The following AGBL4 variants were observed in gnomAD, a reference collection of about 807,000 sequenced individuals.
AGBL4 encodes cytosolic carboxypeptidase 6.
AGBL4 carries 58 observed loss-of-function variants against 66.4 expected under a neutral mutation model. That is an observed-to-expected ratio of 0.87 (90% CI 0.71 to 1.09). The LOEUF (loss-of-function observed/expected upper bound fraction) is 1.09, where lower values mean the gene tolerates loss of function less well. AGBL4 is among the 50% of genes least tolerant of loss of function. The pLI, the probability that AGBL4 is intolerant of heterozygous loss-of-function variation, is 0.00. For missense variants in AGBL4, 579 were observed against 631.0 expected, an observed-to-expected ratio of 0.92 and a Z score of 0.88; for synonymous variants, 234 against 222.9, an observed-to-expected ratio of 1.05 and a Z score of -0.44.
chr1:49,203,357 T>A (rs1647874142), intron 4 of AGBL4, among the ~76,000 whole-genome samples: 1 of 152,112 alleles, frequency 6.6e-6, no homozygotes, highest in African/African-American at 2.4e-5. Context: ...AAGAGCCAAG[T>A]TGTAGAAGCC....
At chr1:49,285,724 C>G (rs1644389616) in intron 3 of AGBL4, among the ~76,000 whole-genome samples, 2 of 152,178 alleles carry the variant, frequency 1.3e-5, no homozygotes, top group East Asian at 3.9e-4. Flanking sequence ...AGACTACCAT[C>G]AGAGAATACT....
intron 1 of AGBL4, among the ~76,000 whole-genome samples, chr1:49,889,939 C>T (rs1250756103): frequency 6.6e-6 from 1 of 152,120 alleles, no homozygotes; most frequent in Non-Finnish European, 1.5e-5. Context: ...TGTAGAAGCT[C>T]TCTCAGATTA....
intron 4 of AGBL4, among the ~76,000 whole-genome samples, chr1:49,081,171 C>T (rs955403557): frequency 1.3e-5 from 2 of 152,000 alleles, no homozygotes; most frequent in Non-Finnish European, 2.9e-5. Context: ...ATTTGAACAA[C>T]AAAAAAGGAT....
At position 49,280,919 on chromosome 1, in the gene AGBL4, G is replaced by A. The variant is rs566670552; in HGVS notation, c.283-35055C>T. 1.8e-4 allele frequency among the ~76,000 whole-genome samples: 27 copies of A among 152,092 alleles called. 1 individual carries two copies. The South Asian group carries it at 5.2e-3, about 29-fold the overall frequency. On this transcript the variant is annotated intron_variant, in intron 3 of 13. Coordinates refer to ENST00000371839, the MANE Select transcript of AGBL4 (RefSeq NM_032785.4). ...AATGTCAGATAGCAATAATTACAAC[G>A]AAGAAAAAGAAAACAGTAAAGGGTA... is the stretch of plus-strand genomic sequence containing the variant.
chr1:49,434,191 G>A (rs1052629748), intron 3 of AGBL4, among the ~76,000 whole-genome samples: 1 of 152,008 alleles, frequency 6.6e-6, no homozygotes, highest in African/African-American at 2.4e-5. Context: ...TTAATGGGGA[G>A]AGGTAGTAGA....
chr1:49,734,636 A>C (rs1649719313), intron 2 of AGBL4, among the ~76,000 whole-genome samples: 1 of 152,128 alleles, frequency 6.6e-6, no homozygotes, highest in Admixed American at 6.6e-5. Flanking sequence ...TGGAGAAATT[A>C]AGATCCAAAT....
intron 3 of AGBL4, among the ~76,000 whole-genome samples, chr1:49,646,362 A>G (rs1278436374): frequency 3.3e-5 from 5 of 152,012 alleles, no homozygotes; most frequent in Admixed American, 6.6e-5. Flanking sequence ...CAAGATCAAT[A>G]TGCAGAACTC....
At chr1:49,339,332 C>T (rs568330590) in intron 3 of AGBL4, among the ~76,000 whole-genome samples, 1 of 152,158 alleles carries the variant, frequency 6.6e-6, no homozygotes, top group Non-Finnish European at 1.5e-5. Flanking sequence ...AGTTACTTTA[C>T]GTTATTCCAA....
chr1:49,975,786 C>T lies in AGBL4; in HGVS notation c.34+47977G>A, dbSNP rs746172328. 1.8e-4 allele frequency among the ~76,000 whole-genome samples: 28 copies of T among 152,188 alleles called. 1 individual carries two copies. The highest frequency in any genetic ancestry group is 1.3e-4 in the Admixed American group (2 of 15,278). On this transcript the variant is annotated intron_variant, in intron 1 of 13. Transcript: ENST00000371839. ...GATTAACAATATTTTGTCTATAATG[C>T]CTAGCACGGTTTCTGCACATTTGGT...
chr1:49,287,594 C>G (rs1249143259), intron 3 of AGBL4, among the ~76,000 whole-genome samples: 6 of 152,166 alleles, frequency 3.9e-5, no homozygotes, highest in Admixed American at 3.9e-4. Flanking sequence ...ATTTATGCAG[C>G]CAAAAAACAC....
chr1:49,132,013 G>A (rs550542631), intron 4 of AGBL4, among the ~76,000 whole-genome samples: 10 of 152,226 alleles, frequency 6.6e-5, no homozygotes, highest in Middle Eastern at 3.4e-3. Context: ...TGGAGTAGAT[G>A]CATTTCCCAG....
intron 3 of AGBL4, among the ~76,000 whole-genome samples, chr1:49,355,760 C>T (rs1451176758): frequency 6.6e-6 from 1 of 152,174 alleles, no homozygotes; most frequent in Non-Finnish European, 1.5e-5. Flanking sequence ...TTTGTAGTTG[C>T]TATTCCCTTC....
intron 3 of AGBL4, among the ~76,000 whole-genome samples, chr1:49,526,719 G>A (rs926598515): frequency 2.0e-5 from 3 of 152,072 alleles, no homozygotes; most frequent in African/African-American, 7.2e-5. Flanking sequence ...CAAAGAGTTT[G>A]GAGCATAGAA....
chr1:49,679,992 C>A (rs1646657609), intron 3 of AGBL4, among the ~76,000 whole-genome samples: 1 of 145,254 alleles, frequency 6.9e-6, no homozygotes, highest in African/African-American at 2.5e-5. Flanking sequence ...ACAATATTTT[C>A]TGTTTTTTTT....
chr1:49,628,896 T>C (rs1645515787), intron 3 of AGBL4, among the ~76,000 whole-genome samples: 1 of 152,216 alleles, frequency 6.6e-6, no homozygotes, highest in Non-Finnish European at 1.5e-5. Flanking sequence ...CGAGGCCTTC[T>C]TAATCTTCTC....
At chr1:49,920,406 C>T (rs1447445330) in intron 1 of AGBL4, among the ~76,000 whole-genome samples, 6 of 152,240 alleles carry the variant, frequency 3.9e-5, no homozygotes, top group Middle Eastern at 3.4e-3. Flanking sequence ...AAGAAATAAA[C>T]AACCCCATCA....
chr1:49,559,080 C>A (rs997359822), intron 3 of AGBL4, among the ~76,000 whole-genome samples: 1 of 152,102 alleles, frequency 6.6e-6, no homozygotes, highest in Non-Finnish European at 1.5e-5. Flanking sequence ...AGCCCCAGAG[C>A]CTTTATGAAC....
Position 49,460,415 on chromosome 1 carries a change from C to A in AGBL4, c.283-214551G>T, listed in dbSNP as rs12562048. On this transcript the variant is annotated intron_variant, in intron 3 of 13. Transcript: ENST00000371839. Reference sequence around the variant, plus strand: ...TGATATAAGAATAGCTATCCCTGTTCACATTTGGTATCCATTTACATGGAA... The same window carrying A: ...TGATATAAGAATAGCTATCCCTGTTAACATTTGGTATCCATTTACATGGAA... Among the ~76,000 whole-genome samples the A allele has an allele frequency of 1.7e-4, 26 of 151,656 alleles. No individual in the cohort carries two copies. In the East Asian group the frequency reaches 4.9e-3, roughly 29 times the overall value.
intron 3 of AGBL4, among the ~76,000 whole-genome samples, chr1:49,427,160 C>T (rs368393352): frequency 6.6e-6 from 1 of 152,034 alleles, no homozygotes; most frequent in Non-Finnish European, 1.5e-5. Flanking sequence ...ACCAATAGTA[C>T]TTGGTACTTG....
Sources: allele counts gnomAD v4.1 joint callset (sites outside exome capture counted in the v4.1 genomes callset), GRCh38; gene constraint gnomAD v4.1.1; transcripts MANE v1.5; gene names NCBI Gene and HGNC (gene_info 2026-07-23, HGNC 2026-07-21).